TMEM161B: variants seen among roughly 807,000 people sequenced by gnomAD.
TMEM161B encodes the protein transmembrane protein 161B.
TMEM161B carries 34 observed loss-of-function variants against 61.8 expected under a neutral mutation model. That is an observed-to-expected ratio of 0.55 (90% CI 0.42 to 0.73). The LOEUF (loss-of-function observed/expected upper bound fraction) is 0.73, where lower values mean the gene tolerates loss of function less well. Among genes scored for constraint, TMEM161B ranks in the 30% least tolerant of loss-of-function variants. The pLI is 0.00. For synonymous variants in TMEM161B, 167 were observed against 192.8 expected (o/e 0.87, Z 1.11); for missense variants, 456 against 558.5 (o/e 0.82, Z 1.85).
In TMEM161B at chr5:88,220,613, C is replaced by T; in HGVS notation, c.396G>A (p.Gln132=). 6.3e-7 allele frequency: 1 copy of T among 1,598,652 alleles called. No individual in the cohort carries two copies. Among genetic ancestry groups the T allele is most frequent in the Non-Finnish European group, 8.5e-7 (1 of 1,175,570 alleles). The change falls in exon 5 of 12, where the codon CAG becomes CAA. Residue 132 remains glutamine (Q), a synonymous_variant. Coordinates refer to ENST00000296595, the MANE Select transcript of TMEM161B (RefSeq NM_153354.5). ...EVYYNFMKPT[Q]EMNISLVWCL... is the part of the protein sequence containing the mutation. ...ACCAGACTAAGCTGATATTCATTTC[C>T]TGTGTAGGCTTCATAAAATTGTAGT...
rs371150394 is a variant in TMEM161B, at chr5:88,210,102, A to C, written c.447-2922T>G. ...GCTTAATCCTGGTTCTACTCTTACT[A>C]AACTATGTGATCTTCCACTTGAAAA... is the stretch of plus-strand genomic sequence containing the variant. On this transcript the variant is annotated intron_variant, in intron 5 of 11. Coordinates refer to ENST00000296595, the MANE Select transcript of TMEM161B (RefSeq NM_153354.5). 2.0e-4 allele frequency among the ~76,000 whole-genome samples: 31 copies of C among 152,254 alleles called. No individual in the cohort carries two copies. In the East Asian group the frequency reaches 5.4e-3, roughly 27 times the overall value.
In TMEM161B at chr5:88,196,066, C is replaced by G. The variant is rs1012859762; in HGVS notation, c.*145G>C. 2 of 1,419,944 alleles carry G rather than the reference C, an allele frequency of 1.4e-6. No homozygotes were observed. Among genetic ancestry groups the G allele is most frequent in the Non-Finnish European group, 1.8e-6 (2 of 1,090,706 alleles). 88.0% of individuals were successfully genotyped at this position (1,419,944 alleles called of 1,614,324 possible). The stretch of plus-strand genomic sequence containing the variant: ...ACTACATTAATTCACCCTGAGAATA[C>G]AGAGGAAACATTTAATACAAGACAT... On this transcript the variant is annotated 3_prime_UTR_variant, in exon 12 of 12. Transcript: ENST00000296595.
Position 88,196,408 on chromosome 5 carries a change from A to C in TMEM161B, c.1267T>G (p.Ser423Ala). ...DNSLLSNSVY[S>A]ELPSAEGKMK... Reference sequence around the variant, plus strand: ...TTCCCTTCAGCTGATGGTAATTCAGAGTAAACAGAATTGGACAGTAGACTA... The same window carrying C: ...TTCCCTTCAGCTGATGGTAATTCAGCGTAAACAGAATTGGACAGTAGACTA... Residue 423 changes from serine to alanine, a missense_variant, in exon 12 of 12, where the codon TCT becomes GCT. Coordinates refer to ENST00000296595, the MANE Select transcript of TMEM161B (RefSeq NM_153354.5). 1 of 1,613,480 alleles carries C rather than the reference A, an allele frequency of 6.2e-7. No homozygotes were observed. The highest frequency in any genetic ancestry group is 1.7e-4 in the Middle Eastern group (1 of 6,058).
chr5:88,190,129 ACAC>A, downstream of TMEM161B: 1 of 700,954 alleles, frequency 1.4e-6, no homozygotes, highest in Non-Finnish European at 2.6e-6. Context: ...GAGAAGGTAC[ACAC>A]AAGAACTAGT....
downstream of TMEM161B, chr5:88,190,064 A>G (rs1561284526): frequency 1.4e-6 from 1 of 700,488 alleles, no homozygotes; most frequent in East Asian, 2.7e-5. Flanking sequence ...AAAGAAGCAC[A>G]TGGGTTATTT....
intron 9 of TMEM161B, chr5:88,201,969 A>G (rs1463867355): frequency 5.8e-6 from 2 of 345,874 alleles, no homozygotes; most frequent in East Asian, 1.5e-4. Flanking sequence ...CTGCGGAGTC[A>G]ATGACTAGTC....
chr5:88,216,942 C>T (rs1483874689), intron 5 of TMEM161B, among the ~76,000 whole-genome samples: 1 of 152,150 alleles, frequency 6.6e-6, no homozygotes, highest in Non-Finnish European at 1.5e-5. Flanking sequence ...GCTTTTTCTG[C>T]TATACTTGAT....
intron 11 of TMEM161B, among the ~76,000 whole-genome samples, chr5:88,197,443 A>T (rs1236214991): frequency 1.3e-5 from 2 of 152,174 alleles, no homozygotes; most frequent in Admixed American, 1.3e-4. Context: ...AACCTTTAGT[A>T]AACAATTCTT....
intron 1 of TMEM161B, among the ~76,000 whole-genome samples, chr5:88,256,249 G>T (rs1176881440): frequency 6.6e-6 from 1 of 152,144 alleles, no homozygotes; most frequent in Non-Finnish European, 1.5e-5. Context: ...CAATGCCATA[G>T]TCATTAAAGT....
intron 2 of TMEM161B, among the ~76,000 whole-genome samples, chr5:88,238,832 A>C (rs1752279415): frequency 1.3e-5 from 2 of 152,064 alleles, no homozygotes; most frequent in African/African-American, 2.4e-5. Flanking sequence ...TGACCTCAAA[A>C]TTTCAGGACT....
chr5:88,252,558 A>G (rs778444223), intron 1 of TMEM161B, among the ~76,000 whole-genome samples: 37 of 152,232 alleles, frequency 2.4e-4, no homozygotes, highest in Non-Finnish European at 3.7e-4. Flanking sequence ...GACTGAACAT[A>G]AAGTATAACA....
At chr5:88,214,923 G>C (rs570652541) in intron 5 of TMEM161B, among the ~76,000 whole-genome samples, 8 of 152,176 alleles carry the variant, frequency 5.3e-5, no homozygotes, top group Non-Finnish European at 1.0e-4. Flanking sequence ...CTCAGTTCTA[G>C]GTTTCAGGGT....
chr5:88,189,183 C>T (rs544362629), downstream of TMEM161B, among the ~76,000 whole-genome samples: 39 of 152,274 alleles, frequency 2.6e-4, no homozygotes, highest in Middle Eastern at 0.017. Flanking sequence ...GCATTATACA[C>T]ACAAGTCCTT....
At chr5:88,240,112 C>T (rs1181482226) in intron 2 of TMEM161B, among the ~76,000 whole-genome samples, 1 of 151,402 alleles carries the variant, frequency 6.6e-6, no homozygotes, top group African/African-American at 2.4e-5. Flanking sequence ...GTACATGTTT[C>T]AGCAAGCCTA....
At chr5:88,211,475 C>T (rs1289186879) in intron 5 of TMEM161B, among the ~76,000 whole-genome samples, 1 of 151,456 alleles carries the variant, frequency 6.6e-6, no homozygotes, top group South Asian at 2.1e-4. Context: ...AAAAGTAAGA[C>T]AAGACCGGGC....
At chr5:88,225,504 A>G (rs919893969) in intron 4 of TMEM161B, among the ~76,000 whole-genome samples, 4 of 152,218 alleles carry the variant, frequency 2.6e-5, no homozygotes, top group African/African-American at 9.6e-5. Context: ...AATTCTAGAT[A>G]ATAAAAATTG....
intron 1 of TMEM161B, among the ~76,000 whole-genome samples, chr5:88,245,243 T>C (rs1263261943): frequency 6.6e-6 from 1 of 151,936 alleles, no homozygotes; most frequent in Admixed American, 6.6e-5. Context: ...TGACCTAACA[T>C]CAAAGGTTGC....
chr5:88,205,375 CAT>C (rs1745263380), intron 8 of TMEM161B, among the ~76,000 whole-genome samples: 1 of 152,158 alleles, frequency 6.6e-6, no homozygotes, highest in Admixed American at 6.5e-5. Context: ...ACACCTCTTA[CAT>C]ACAACTTTAA....
intron 5 of TMEM161B, among the ~76,000 whole-genome samples, chr5:88,215,955 T>C (rs1747745372): frequency 6.6e-6 from 1 of 152,218 alleles, no homozygotes; most frequent in African/African-American, 2.4e-5. Context: ...AGGAAAAGAA[T>C]ATTCAATAAT....
Sources: allele counts gnomAD v4.1 joint callset (sites outside exome capture counted in the v4.1 genomes callset), GRCh38; gene constraint gnomAD v4.1.1; transcripts MANE v1.5; gene names NCBI Gene and HGNC (gene_info 2026-07-23, HGNC 2026-07-21).